Variants in LZTFL1 observed in about 807,000 individuals in gnomAD.
LZTFL1 encodes the protein leucine zipper transcription factor like 1.
A neutral mutation model predicts 45.9 loss-of-function variants in LZTFL1; 25 were observed. That is an observed-to-expected ratio of 0.54 (90% confidence interval 0.40 to 0.76). The LOEUF is 0.76. LZTFL1 is among the 30% of genes least tolerant of loss of function. The pLI, the probability that LZTFL1 is intolerant of heterozygous loss-of-function variation, is 0.00. For missense variants in LZTFL1, 277 were observed against 331.1 expected, an observed-to-expected ratio of 0.84 and a Z score of 1.27; for synonymous variants, 93 against 117.4, an observed-to-expected ratio of 0.79 and a Z score of 1.35.
Position 45,837,962 on chromosome 3 carries a change from A to T in LZTFL1, c.93T>A (p.Thr31=). 1.2e-6 allele frequency: 2 copies of T among 1,613,586 alleles called. No individual in the cohort carries two copies. The change falls in exon 2 of 10, where the codon ACT becomes ACA. Residue 31 remains threonine (T), a synonymous_variant. Coordinates refer to ENST00000296135, the MANE Select transcript of LZTFL1 (RefSeq NM_020347.4). ...ARSKRGLRLK[T]VDSCFQDLKE... is the part of the protein sequence containing the mutation. ...TGAGGTCTTGGAAGCAGGAATCTAC[A>T]GTTTTGAGTCTCAAGCCTCTCTTTG...
intron 2 of LZTFL1, chr3:45,897,437 C>T (rs1559424898): frequency 1.4e-6 from 1 of 706,470 alleles, no homozygotes; most frequent in Non-Finnish European, 2.5e-6. Context: ...CAGCAGGACA[C>T]AATGTCCTTG....
At chr3:45,880,847 C>T (rs1296304022) in intron 2 of LZTFL1, among the ~76,000 whole-genome samples, 1 of 152,114 alleles carries the variant, frequency 6.6e-6, no homozygotes, top group African/African-American at 2.4e-5. Context: ...CACGCCACTC[C>T]CTCCATCACC....
At chr3:45,845,119 ACCAG>A (rs1400534528), upstream of LZTFL1, among the ~76,000 whole-genome samples, 2 of 152,136 alleles carry the variant, frequency 1.3e-5, no homozygotes, top group Non-Finnish European at 2.9e-5. Context: ...GATGATACGC[ACCAG>A]CTCCTCTTTC....
chr3:45,828,136 A>C (rs1700715675), intron 8 of LZTFL1, among the ~76,000 whole-genome samples: 1 of 152,214 alleles, frequency 6.6e-6, no homozygotes, highest in African/African-American at 2.4e-5. Context: ...GGCTGTGGGA[A>C]GAAGGAGCAG....
At chr3:45,832,002 G>A (rs1300118667) in intron 5 of LZTFL1, among the ~76,000 whole-genome samples, 3 of 152,144 alleles carry the variant, frequency 2.0e-5, no homozygotes, top group African/African-American at 7.2e-5. Flanking sequence ...TTGGAAGGCC[G>A]AGGCGGGCGT....
chr3:45,904,872 C>T (rs563998294), intron 2 of LZTFL1, among the ~76,000 whole-genome samples: 1 of 152,292 alleles, frequency 6.6e-6, no homozygotes, highest in East Asian at 1.9e-4. Context: ...ACTGGAGCTT[C>T]TTGTGGGGTC....
At chr3:45,913,364 T>G (rs1283417217) in intron 1 of LZTFL1, among the ~76,000 whole-genome samples, 1 of 152,104 alleles carries the variant, frequency 6.6e-6, no homozygotes, top group Non-Finnish European at 1.5e-5. Context: ...CTATAGCCCC[T>G]TTCTCAGAAT....
rs1040978765 is a variant in LZTFL1 at position 45,900,459 on chromosome 3, C to A, written c.-215+12661G>T. ...AAACTGCCCATCAGTAGTGTGGAGG[C>A]ACTCTTACCCCATCAGAGCACTTGG... is the stretch of plus-strand genomic sequence containing the variant. On this transcript the variant is annotated intron_variant, in intron 2 of 4. Transcript: ENST00000472635. This position sits in a 1 kb window ranked among gnomAD's most constrained non-coding sequence, Gnocchi z 4.7. Among the ~76,000 whole-genome samples the A allele has an allele frequency of 1.3e-5, 2 of 152,146 alleles. No individual in the cohort carries two copies. The highest frequency in any genetic ancestry group is 1.3e-4 in the Admixed American group (2 of 15,282).
intron 4 of LZTFL1, among the ~76,000 whole-genome samples, chr3:45,853,116 C>G (rs1342838621): frequency 6.6e-6 from 1 of 152,190 alleles, no homozygotes; most frequent in African/African-American, 2.4e-5. Context: ...AAGGGCTTTA[C>G]CTGTGGTCGA....
intron 2 of LZTFL1, among the ~76,000 whole-genome samples, chr3:45,889,696 T>C (rs1177823571): frequency 2.0e-5 from 3 of 152,034 alleles, no homozygotes; most frequent in African/African-American, 7.2e-5. Context: ...ATTTTTTTTT[T>C]TTTAAAGATC....
intron 2 of LZTFL1, among the ~76,000 whole-genome samples, chr3:45,871,976 GC>G (rs1343647322): frequency 6.6e-6 from 1 of 152,184 alleles, no homozygotes; most frequent in Non-Finnish European, 1.5e-5. Context: ...TCAGCCTGTG[GC>G]CCCCACCTGG....
chr3:45,881,008 A>T (rs1701847288), intron 2 of LZTFL1, among the ~76,000 whole-genome samples: 1 of 152,256 alleles, frequency 6.6e-6, no homozygotes, highest in South Asian at 2.1e-4. Flanking sequence ...GAGATCTTCC[A>T]ATGAGATAAT....
chr3:45,901,625 T>A lies in LZTFL1; in HGVS notation c.-215+11495A>T. On this transcript the variant is annotated intron_variant, in intron 2 of 4. Transcript: ENST00000472635. This position sits in a 1 kb window ranked among gnomAD's most constrained non-coding sequence, Gnocchi z 4.3. ...ACTGCATTTTGTTGGTGCAGACCAT[T>A]GACGCCTATGCCATGTTCATCTCCA... 6.2e-7 allele frequency: 1 copy of A among 1,614,250 alleles called. No individual in the cohort carries two copies. The highest frequency in any genetic ancestry group is 1.1e-5 in the South Asian group (1 of 91,082).
At chr3:45,830,822 G>A (rs999089288) in intron 7 of LZTFL1, 91 bp downstream of exon 7, 8 of 1,053,724 alleles carry the variant, frequency 7.6e-6, no homozygotes, top group Non-Finnish European at 1.2e-5. Flanking sequence ...GCAGGGGTGG[G>A]GTACAGTGAG....
chr3:45,851,725 G>C (rs905757861), intron 4 of LZTFL1, among the ~76,000 whole-genome samples: 7 of 151,678 alleles, frequency 4.6e-5, no homozygotes, highest in Admixed American at 4.6e-4. Flanking sequence ...GCTCACACTT[G>C]TAATCCCAAC....
At chr3:45,850,436 G>T (rs184969107) in intron 4 of LZTFL1, among the ~76,000 whole-genome samples, 1 of 152,104 alleles carries the variant, frequency 6.6e-6, no homozygotes, top group Non-Finnish European at 1.5e-5. Flanking sequence ...CCTCCTCCCC[G>T]CAGCACCACC....
In LZTFL1 at chr3:45,823,589, G is replaced by A. The variant is rs977776984; in HGVS notation, c.*2725C>T. The A allele has an allele frequency of 1.3e-5, 2 of 152,202 alleles. No individual in the cohort carries two copies. Among genetic ancestry groups the A allele is most frequent in the African/African-American group, 4.8e-5 (2 of 41,436 alleles). 9.4% of individuals were successfully genotyped at this position (152,202 alleles called of 1,614,324 possible). A position where few individuals can be genotyped will look rare whatever the true frequency, so the allele number is the denominator to read the frequency against. ...TCAAGACAGAGGTCATTACCTTTAA[G>A]TATAATATTTCCCCTTTTTCCTAAG... On this transcript the variant is annotated 3_prime_UTR_variant, in exon 10 of 10. Transcript: ENST00000296135.
intron 4 of LZTFL1, chr3:45,854,906 A>C (rs751145555): frequency 2.0e-6 from 2 of 1,012,472 alleles, no homozygotes; most frequent in Non-Finnish European, 2.9e-6. Context: ...CATTCATCTA[A>C]TCTGGAATAA....
At chr3:45,913,064 G>T (rs920395774) in intron 2 of LZTFL1, 30 of 1,482,436 alleles carry the variant, frequency 2.0e-5, no homozygotes, top group Middle Eastern at 1.7e-4. Context: ...CACTCCTACA[G>T]CTGTCTCAGC....
Sources: allele counts gnomAD v4.1 joint callset (sites outside exome capture counted in the v4.1 genomes callset), GRCh38; gene constraint gnomAD v4.1.1; non-coding constraint Gnocchi (gnomAD v3.1); transcripts MANE v1.5; gene names NCBI Gene and HGNC (gene_info 2026-07-23, HGNC 2026-07-21).